SSX2IP: variants seen among roughly 807,000 people sequenced by gnomAD.
SSX2IP encodes the protein afadin- and alpha-actinin-binding protein.
SSX2IP carries 55 observed loss-of-function variants against 84.9 expected under a neutral mutation model. That is an observed-to-expected ratio of 0.65 (90% CI 0.52 to 0.81). The LOEUF is 0.81. Ranked by LOEUF, SSX2IP falls within the 30% of genes least tolerant of loss-of-function variation. The pLI, the probability that SSX2IP is intolerant of heterozygous loss-of-function variation, is 0.00. For missense variants in SSX2IP, 664 were observed against 705.2 expected, an observed-to-expected ratio of 0.94 and a Z score of 0.66; for synonymous variants, 239 against 234.7, an observed-to-expected ratio of 1.02 and a Z score of -0.17.
chr1:84,668,133 A>T (rs1653021337), intron 4 of SSX2IP, among the ~76,000 whole-genome samples: 1 of 152,204 alleles, frequency 6.6e-6, no homozygotes, highest in Non-Finnish European at 1.5e-5. Context: ...ATCCCATATT[A>T]GAAGACATCC....
chr1:84,655,792 C>T lies in SSX2IP; in HGVS notation c.1389+40G>A, dbSNP rs767479597. The T allele has an allele frequency of 1.1e-5, 17 of 1,593,848 alleles. No individual in the cohort carries two copies. The South Asian group carries it at 1.2e-4, about 12-fold the overall frequency. On this transcript the variant is annotated intron_variant, in intron 11 of 13. Transcript: ENST00000342203. ...GAAGCATTCTACTGAGGCCCACCCA[C>T]CCCCAGTATTTTCAAAAGCACTACA...
At chr1:84,676,392 G>T (rs549850816) in intron 1 of SSX2IP, among the ~76,000 whole-genome samples, 20 of 152,128 alleles carry the variant, frequency 1.3e-4, no homozygotes, top group African/African-American at 3.9e-4. Context: ...AATACTTTTA[G>T]TAAAAGCTTT....
chr1:84,671,201 C>G lies in SSX2IP; in HGVS notation c.19G>C (p.Val7Leu), dbSNP rs151236493. The change falls in exon 2 of 14, where the codon GTT becomes CTT. Residue 7 changes from valine to leucine, a missense_variant. By Grantham distance (32) the Val-to-Leu change is conservative (BLOSUM62 1). Transcript: ENST00000342203. Reference sequence around the variant, plus strand: ...CCTGAAGACAGACCTGGATCTGTAACAGTCATCCAATCTCCCATAGCAATC... The same window carrying G: ...CCTGAAGACAGACCTGGATCTGTAAGAGTCATCCAATCTCCCATAGCAATC... MGDWMT[V>L]TDPGLSSESK... is the part of the protein sequence containing the mutation. 1 of 1,611,510 alleles carries G rather than the reference C, an allele frequency of 6.2e-7. No homozygotes were observed. Among genetic ancestry groups the G allele is most frequent in the East Asian group, 2.2e-5 (1 of 44,656 alleles).
At position 84,684,804 on chromosome 1, in the gene SSX2IP, CATAAT is replaced by C. The variant is rs1247992615; in HGVS notation, c.-90+5562_-90+5566del. 5.9e-5 allele frequency among the ~76,000 whole-genome samples: 9 copies of C among 151,990 alleles called. No homozygotes were observed. The East Asian group carries it at 9.7e-4, about 16-fold the overall frequency. On this transcript the variant is annotated intron_variant, in intron 1 of 13. Transcript: ENST00000342203. ...CAGTAATCAGAAAACTTCAGTGACA[CATAAT>C]ATAAATTTCAGTATTATAAAATGAA...
intron 4 of SSX2IP, among the ~76,000 whole-genome samples, chr1:84,668,918 C>A (rs1057284341): frequency 6.6e-6 from 1 of 151,912 alleles, no homozygotes; most frequent in South Asian, 2.1e-4. Context: ...ATAACAAAAC[C>A]CAATATAGAA....
intron 8 of SSX2IP, among the ~76,000 whole-genome samples, chr1:84,661,145 G>A (rs2994438): frequency 0.079 from 11,850 of 150,740 alleles, 706 homozygotes; most frequent in African/African-American, 0.16. Context: ...GTGCTGGGAT[G>A]GGCTTATCAG....
rs1653415252 is a variant in SSX2IP, at chr1:84,670,498, G to C, written c.213+148C>G. The C allele has an allele frequency of 5.7e-6, 3 of 524,618 alleles. No individual in the cohort carries two copies. The South Asian group carries it at 9.6e-5, about 17-fold the overall frequency. The allele number at this position is 524,618 out of a possible 1,614,324, so 32.5% of individuals were successfully genotyped here. ...AGTTAGACTTGCTATCTCTAGATGA[G>C]ATAATCACCAAGGTTCTCTGAAAAT... On this transcript the variant is annotated intron_variant, in intron 3 of 13. Coordinates refer to ENST00000342203, the MANE Select transcript of SSX2IP (RefSeq NM_001166293.2).
chr1:84,655,601 A>G (rs1488065448), intron 11 of SSX2IP: 1 of 1,476,050 alleles, frequency 6.8e-7, no homozygotes, highest in East Asian at 2.8e-5. Context: ...GAAAGCAGTA[A>G]TAAATGCTTA....
intron 1 of SSX2IP, among the ~76,000 whole-genome samples, chr1:84,689,619 T>A (rs1656297471): frequency 6.6e-6 from 1 of 152,250 alleles, no homozygotes. Flanking sequence ...TAAAAATTCC[T>A]ACATTATACG....
At chr1:84,653,848 T>A (rs1321908006) in intron 11 of SSX2IP, among the ~76,000 whole-genome samples, 2 of 137,298 alleles carry the variant, frequency 1.5e-5, no homozygotes, top group Non-Finnish European at 3.1e-5. Context: ...GAAAGAAATC[T>A]TTTTTAAAAA....
intron 12 of SSX2IP, 82 bp from the exon 13 acceptor site, chr1:84,650,609 C>A: frequency 7.1e-7 from 1 of 1,403,816 alleles, no homozygotes; most frequent in South Asian, 1.2e-5. Context: ...CAGGATGATT[C>A]ATCTGCGGTT....
chr1:84,686,790 AT>A (rs1655861778), intron 1 of SSX2IP, among the ~76,000 whole-genome samples: 2 of 152,338 alleles, frequency 1.3e-5, no homozygotes, highest in Admixed American at 1.3e-4. Flanking sequence ...CAGGTTTTGA[AT>A]TTTAAAAAGT....
chr1:84,651,369 A>G (rs1045240926), intron 12 of SSX2IP, among the ~76,000 whole-genome samples: 1 of 152,082 alleles, frequency 6.6e-6, no homozygotes, highest in Admixed American at 6.5e-5. Flanking sequence ...ACTCACAACA[A>G]AAGTTACTTT....
rs2994950 is a variant in SSX2IP at position 84,646,577 on chromosome 1, T to C, written c.*856A>G. On this transcript the variant is annotated 3_prime_UTR_variant, in exon 14 of 14. Coordinates refer to ENST00000342203, the MANE Select transcript of SSX2IP (RefSeq NM_001166293.2). ...TCTATCATCCAATATCTTAAACCAA[T>C]TTCTTAAATTGTTTTATTCAAAGGT... is the stretch of plus-strand genomic sequence containing the variant. 12,140 of 152,620 alleles carry C rather than the reference T, an allele frequency of 0.08. 725 individuals are homozygous for C. Among genetic ancestry groups the C allele is most frequent in the African/African-American group, 0.17 (6,874 of 41,526 alleles). 9.5% of individuals were successfully genotyped at this position (152,620 alleles called of 1,614,324 possible).
intron 3 of SSX2IP, chr1:84,670,142 G>A (rs1268385831): frequency 7.4e-6 from 2 of 269,094 alleles, no homozygotes; most frequent in Non-Finnish European, 1.4e-5. Flanking sequence ...GAAACATCAT[G>A]TTGAACATGA....
rs1178378175 is a variant in SSX2IP, at chr1:84,666,233, CTAAAACATTTATAAGCAATTTTGCT to C, written c.427-26_427-2del. ...CCCTCCTGGAGGTTTCCAGTTGTTC[CTAAAACATTTATAAGCAATTTTGCT>C]TAAAATTAATAAAGGATTTAGAATA... On this transcript the variant is annotated splice_acceptor_variant and splice_polypyrimidine_tract_variant and intron_variant, in intron 4 of 13. Transcript: ENST00000342203. LOFTEE classifies it high-confidence loss of function. The C allele has an allele frequency of 6.2e-6, 10 of 1,605,296 alleles. No individual in the cohort carries two copies. In the Admixed American group the frequency reaches 1.7e-4, roughly 27 times the overall value.
At chr1:84,657,851 G>A (rs999453444) in intron 9 of SSX2IP, among the ~76,000 whole-genome samples, 6 of 151,994 alleles carry the variant, frequency 3.9e-5, no homozygotes, top group East Asian at 1.9e-4. Flanking sequence ...GTAAAATGTC[G>A]GCTGTGCACA....
intron 13 of SSX2IP, among the ~76,000 whole-genome samples, chr1:84,648,245 G>A (rs888661057): frequency 6.6e-6 from 1 of 152,092 alleles, no homozygotes; most frequent in Non-Finnish European, 1.5e-5. Flanking sequence ...GAAGAACCAA[G>A]TCAGGCTGCA....
rs1260173135 is a variant in SSX2IP, at chr1:84,655,281, T to C, written c.1389+551A>G. 6 of 1,040,454 alleles carry C rather than the reference T, an allele frequency of 5.8e-6. No individual in the cohort carries two copies. In the East Asian group the frequency reaches 3.1e-4, roughly 53 times the overall value. The allele number at this position is 1,040,454 out of a possible 1,614,324, so 64.5% of individuals were successfully genotyped here. A position where few individuals can be genotyped will look rare whatever the true frequency, so the allele number is the denominator to read the frequency against. ...GAGAAAGGAGGATACTTTCTTACTTTGTAGCTTTTTTTAATGAGTTTTGTT... is the reference window on the plus strand; with the variant it reads ...GAGAAAGGAGGATACTTTCTTACTTCGTAGCTTTTTTTAATGAGTTTTGTT... On this transcript the variant is annotated intron_variant, in intron 11 of 13. Transcript: ENST00000342203.
Sources: allele counts gnomAD v4.1 joint callset (sites outside exome capture counted in the v4.1 genomes callset), GRCh38; gene constraint gnomAD v4.1.1; transcripts MANE v1.5; gene names NCBI Gene and HGNC (gene_info 2026-07-23, HGNC 2026-07-21).